The following SYT14 variants were observed in gnomAD, a reference collection of about 807,000 sequenced individuals.
SYT14 encodes synaptotagmin-14.
In SYT14, 32 loss-of-function variants were observed where a neutral mutation model predicts 74.2. The observed-to-expected ratio is 0.43, with a 90% CI of 0.33 to 0.58. The LOEUF (loss-of-function observed/expected upper bound fraction) is 0.58, where lower values mean the gene tolerates loss of function less well. Ranked by LOEUF, SYT14 falls within the 20% of genes least tolerant of loss-of-function variation. SYT14 has a pLI of 0.05. For missense variants in SYT14, 791 were observed against 981.8 expected (o/e 0.81, Z 2.60); for synonymous variants, 298 against 337.7 (o/e 0.88, Z 1.29).
At chr1:210,100,582 T>C in intron 7 of SYT14, 121 bp downstream of exon 6, 2 of 973,930 alleles carry the variant, frequency 2.1e-6, no homozygotes, top group Non-Finnish European at 1.6e-6. Flanking sequence ...ATAGTAATCA[T>C]GCCTTTACAA....
At chr1:209,953,375 C>T (rs2078942474) in intron 2 of SYT14, 1 of 619,318 alleles carries the variant, frequency 1.6e-6, no homozygotes, top group African/African-American at 1.9e-5. Flanking sequence ...TCTATGAAAT[C>T]ATATGAAGGA....
At chr1:210,033,022 A>G (rs2080577112) in intron 5 of SYT14, among the ~76,000 whole-genome samples, 1 of 151,826 alleles carries the variant, frequency 6.6e-6, no homozygotes, top group Non-Finnish European at 1.5e-5. Flanking sequence ...TACAAACTAG[A>G]ATAAGAATTA....
At chr1:210,093,518 A>G (rs537910461) in intron 5 of SYT14, among the ~76,000 whole-genome samples, 1 of 152,292 alleles carries the variant, frequency 6.6e-6, no homozygotes. Context: ...GTTTATTCTC[A>G]ATCACCGAGG....
intron 7 of SYT14, 104 bp from the exon 7 acceptor site, chr1:210,155,617 T>A (rs1219310464): frequency 1.6e-6 from 2 of 1,244,064 alleles, no homozygotes; most frequent in East Asian, 5.0e-5. Context: ...CAACTCATCT[T>A]TATTGTGATT....
intron 5 of SYT14, among the ~76,000 whole-genome samples, chr1:210,037,528 TG>T (rs1372290099): frequency 4.1e-5 from 4 of 97,590 alleles, no homozygotes; most frequent in African/African-American, 2.1e-4. Context: ...GTGATTTTTC[TG>T]TTTTTTTTTT....
intron 5 of SYT14, among the ~76,000 whole-genome samples, chr1:210,037,567 T>A (rs542710078): frequency 6.6e-6 from 1 of 151,408 alleles, no homozygotes; most frequent in Admixed American, 6.6e-5. Context: ...TTAATATAGG[T>A]ACATAGTGCT....
exon 4 of SYT14, chr1:210,016,539 T>C: frequency 4.1e-6 from 5 of 1,231,738 alleles, no homozygotes; most frequent in Non-Finnish European, 5.1e-6. Flanking sequence ...ACAATTGGAG[T>C]AGGAATTTCC....
At chr1:209,982,906 G>A (rs553861503) in intron 2 of SYT14, among the ~76,000 whole-genome samples, 8 of 152,240 alleles carry the variant, frequency 5.3e-5, no homozygotes, top group Admixed American at 2.0e-4. Context: ...GGTATGTGGT[G>A]GTGTCTCTGT....
At chr1:210,033,740 A>G (rs990620380) in intron 5 of SYT14, among the ~76,000 whole-genome samples, 14 of 151,804 alleles carry the variant, frequency 9.2e-5, no homozygotes, top group African/African-American at 3.1e-4. Flanking sequence ...AATTTAACCA[A>G]TCTTTTAGTC....
chr1:210,018,665 A>T (rs538082017), intron 4 of SYT14, among the ~76,000 whole-genome samples: 7 of 152,340 alleles, frequency 4.6e-5, no homozygotes, highest in African/African-American at 1.7e-4. Flanking sequence ...GCTAGTACCT[A>T]AAGAAACCAA....
At chr1:209,987,912 A>T (rs886931627) in intron 2 of SYT14, among the ~76,000 whole-genome samples, 1 of 152,104 alleles carries the variant, frequency 6.6e-6, no homozygotes, top group African/African-American at 2.4e-5. Flanking sequence ...ACTTTAATCC[A>T]TTTGAATATA....
At chr1:210,102,844 G>A (rs2082092385) in intron 7 of SYT14, among the ~76,000 whole-genome samples, 1 of 151,694 alleles carries the variant, frequency 6.6e-6, no homozygotes, top group Admixed American at 6.6e-5. Flanking sequence ...ACCAGGCCTG[G>A]CTAATTTTTT....
intron 5 of SYT14, among the ~76,000 whole-genome samples, chr1:210,086,728 T>C (rs950889426): frequency 6.6e-6 from 1 of 152,146 alleles, no homozygotes; most frequent in Admixed American, 6.5e-5. Flanking sequence ...GCTAGAATAT[T>C]TATGTGTGGG....
intron 5 of SYT14, among the ~76,000 whole-genome samples, chr1:210,030,693 A>G (rs974467512): frequency 3.9e-5 from 6 of 152,088 alleles, no homozygotes; most frequent in African/African-American, 1.4e-4. Flanking sequence ...TCAGTCTTTT[A>G]TCATTGAGTA....
At chr1:210,033,391 G>A (rs1354802647) in intron 5 of SYT14, among the ~76,000 whole-genome samples, 1 of 151,776 alleles carries the variant, frequency 6.6e-6, no homozygotes, top group Non-Finnish European at 1.5e-5. Flanking sequence ...TTATTTTAAT[G>A]TGTAATTCTG....
chr1:209,949,192 G>C (rs1408800174), intron 1 of SYT14, among the ~76,000 whole-genome samples: 1 of 152,052 alleles, frequency 6.6e-6, no homozygotes, highest in Non-Finnish European at 1.5e-5. Flanking sequence ...CTTCCAAACA[G>C]ACATATACAT....
intron 2 of SYT14, among the ~76,000 whole-genome samples, chr1:209,993,061 T>G (rs541630464): frequency 6.8e-4 from 103 of 152,282 alleles, no homozygotes; most frequent in Non-Finnish European, 1.3e-3. Flanking sequence ...GGGATCTTGC[T>G]GGGGATAGGC....
At chr1:210,041,483 G>A (rs561243734) in intron 5 of SYT14, among the ~76,000 whole-genome samples, 3 of 152,274 alleles carry the variant, frequency 2.0e-5, no homozygotes, top group South Asian at 2.1e-4. Context: ...TCTAAAGGAA[G>A]CATGCATGTG....
intron 7 of SYT14, among the ~76,000 whole-genome samples, chr1:210,114,750 G>A (rs1270213471): frequency 6.6e-6 from 1 of 151,162 alleles, no homozygotes; most frequent in Non-Finnish European, 1.5e-5. Context: ...AGGTCAGGGA[G>A]GGCTAGTCAT....
Sources: allele counts gnomAD v4.1 joint callset (sites outside exome capture counted in the v4.1 genomes callset), GRCh38; gene constraint gnomAD v4.1.1; transcripts MANE v1.5; gene names NCBI Gene and HGNC (gene_info 2026-07-23, HGNC 2026-07-21).